The following CAAP1 variants were observed in gnomAD, a reference collection of about 807,000 sequenced individuals.
CAAP1 encodes caspase activity and apoptosis inhibitor 1.
CAAP1 carries 20 observed loss-of-function variants against 34.0 expected under a neutral mutation model. The ratio of observed to expected loss-of-function variants is 0.59; its 90% CI spans 0.41 to 0.86. CAAP1 has a LOEUF of 0.86. Among genes scored for constraint, CAAP1 ranks in the 40% least tolerant of loss-of-function variants. CAAP1 has a pLI of 0.00. For missense variants in CAAP1, 538 were observed against 450.5 expected, an observed-to-expected ratio of 1.19 and a Z score of -1.76; for synonymous variants, 213 against 166.7, an observed-to-expected ratio of 1.28 and a Z score of -2.14.
chr9:26,890,348 G>T (rs2131346511), intron 1 of CAAP1, among the ~76,000 whole-genome samples: 1 of 151,592 alleles, frequency 6.6e-6, no homozygotes, highest in Non-Finnish European at 1.5e-5. Flanking sequence ...TCCAGCCTGG[G>T]CGACACAGTG....
chr9:26,866,186 A>C (rs1300993982), intron 4 of CAAP1, among the ~76,000 whole-genome samples: 2 of 152,208 alleles, frequency 1.3e-5, no homozygotes, highest in African/African-American at 4.8e-5. Flanking sequence ...AAAATGTTTA[A>C]ATGTCTAATA....
At chr9:26,876,024 T>G (rs1563889893) in intron 4 of CAAP1, among the ~76,000 whole-genome samples, 1 of 152,192 alleles carries the variant, frequency 6.6e-6, no homozygotes, top group Non-Finnish European at 1.5e-5. Context: ...AGAACATATA[T>G]TTATCCTCAT....
intron 5 of CAAP1, among the ~76,000 whole-genome samples, 172 bp from the exon 6 acceptor site, chr9:26,842,819 C>T (rs1171023038): frequency 2.0e-5 from 3 of 152,214 alleles, no homozygotes; most frequent in African/African-American, 7.2e-5. Context: ...ACCTTCAAAG[C>T]AGATCTAATG....
rs1013749132 is a variant in CAAP1, at chr9:26,885,237, C to T, written c.590-352G>A. On this transcript the variant is annotated intron_variant, in intron 3 of 5. Transcript: ENST00000333916. ...GACTACAGGCGCCCGCCACCACGCC[C>T]GGCTAATTTTTGTATTTTTAGTAGA... Among the ~76,000 whole-genome samples the T allele has an allele frequency of 4.0e-5, 6 of 151,896 alleles. No individual in the cohort carries two copies. In the South Asian group the frequency reaches 8.3e-4, roughly 21 times the overall value.
chr9:26,892,732 C>T lies in CAAP1; in HGVS notation c.-17G>A. 1 of 1,564,974 alleles carries T rather than the reference C, an allele frequency of 6.4e-7. No homozygotes were observed. Among genetic ancestry groups the T allele is most frequent in the Non-Finnish European group, 8.6e-7 (1 of 1,159,948 alleles). ...CCCCGTCATGATCCCTCTGCTGCAA[C>T]CATCGGAGGAAAGTCCGCTGTCTCT... On this transcript the variant is annotated 5_prime_UTR_variant, in exon 1 of 6. Coordinates refer to ENST00000333916, the MANE Select transcript of CAAP1 (RefSeq NM_024828.4).
At chr9:26,892,137 G>T (rs186319170) in intron 1 of CAAP1, 1 of 767,284 alleles carries the variant, frequency 1.3e-6, no homozygotes, top group Non-Finnish European at 1.9e-6. Context: ...TCTTCCGGCA[G>T]AGTGAAACCA....
At chr9:26,848,114 A>T (rs1822660418) in intron 5 of CAAP1, among the ~76,000 whole-genome samples, 1 of 152,246 alleles carries the variant, frequency 6.6e-6, no homozygotes, top group Non-Finnish European at 1.5e-5. Flanking sequence ...AAGCTGAATT[A>T]TTATCAACTC....
chr9:26,879,191 A>C (rs1823523464), intron 4 of CAAP1, among the ~76,000 whole-genome samples: 1 of 152,220 alleles, frequency 6.6e-6, no homozygotes, highest in Admixed American at 6.5e-5. Context: ...GATATCTCCT[A>C]ATTTCATCCA....
rs530339521 is a variant in CAAP1, at chr9:26,877,998, A to G, written c.665+6812T>C. ...TACTTATTATACATGAGGATGATAA[A>G]GCCTTCTAACTTACTCGACTATTTT... is the stretch of plus-strand genomic sequence containing the variant. On this transcript the variant is annotated intron_variant, in intron 4 of 5. Transcript: ENST00000333916. 8.5e-5 allele frequency among the ~76,000 whole-genome samples: 13 copies of G among 152,160 alleles called. No homozygotes were observed. The East Asian group carries it at 2.3e-3, about 27-fold the overall frequency.
At chr9:26,867,748 T>TA (rs1156342639) in intron 4 of CAAP1, among the ~76,000 whole-genome samples, 3 of 152,206 alleles carry the variant, frequency 2.0e-5, no homozygotes, top group African/African-American at 7.2e-5. Flanking sequence ...TAGATCTTAT[T>TA]AATATGTCCA....
intron 4 of CAAP1, among the ~76,000 whole-genome samples, chr9:26,871,577 TAA>T (rs147681252): frequency 3.9e-4 from 46 of 117,292 alleles, no homozygotes; most frequent in Non-Finnish European, 3.3e-4. Flanking sequence ...ACTCTGTCTT[TAA>T]AAAAAAAAAA....
chr9:26,861,176 A>G (rs1350493186), intron 4 of CAAP1, 37 bp from the exon 5 acceptor site: 3 of 1,427,720 alleles, frequency 2.1e-6, no homozygotes, highest in Non-Finnish European at 3.0e-6. Flanking sequence ...TTAAAACTAT[A>G]TTTAATCACA....
chr9:26,892,320 G>A lies in CAAP1; in HGVS notation c.303+93C>T, dbSNP rs751045683. The stretch of plus-strand genomic sequence containing the variant: ...CGACCTTGAGATTGCCGCGCTAGCA[G>A]TGAGCTCCAGCCTGCGCCCCATCCC... On this transcript the variant is annotated intron_variant, in intron 1 of 5. Transcript: ENST00000333916. 9.0e-6 allele frequency: 14 copies of A among 1,551,398 alleles called. No individual in the cohort carries two copies. The African/African-American group carries it at 9.5e-5, about 11-fold the overall frequency.
rs376179346 is a variant in CAAP1, at chr9:26,876,272, T to A, written c.665+8538A>T. Among the ~76,000 whole-genome samples the A allele has an allele frequency of 2.6e-5, 4 of 152,306 alleles. No individual in the cohort carries two copies. The East Asian group carries it at 5.8e-4, about 22-fold the overall frequency. ...CTTCGACTGTCTTATCTCCCTCTTA[T>A]AAGGATCCTCATGATTATACTGGTC... On this transcript the variant is annotated intron_variant, in intron 4 of 5. Coordinates refer to ENST00000333916, the MANE Select transcript of CAAP1 (RefSeq NM_024828.4).
chr9:26,847,362 C>T (rs1302911677), intron 5 of CAAP1, among the ~76,000 whole-genome samples: 5 of 151,220 alleles, frequency 3.3e-5, no homozygotes, highest in Admixed American at 2.0e-4. Flanking sequence ...CTACAGGCGC[C>T]CGCCACCACG....
chr9:26,846,846 C>T (rs538560902), intron 5 of CAAP1, among the ~76,000 whole-genome samples: 1 of 152,068 alleles, frequency 6.6e-6, no homozygotes, highest in South Asian at 2.1e-4. Flanking sequence ...CGCCACCATG[C>T]CTGGCTAATT....
At chr9:26,863,264 CAGTA>C (rs1281514973) in intron 4 of CAAP1, among the ~76,000 whole-genome samples, 1 of 152,058 alleles carries the variant, frequency 6.6e-6, no homozygotes, top group African/African-American at 2.4e-5. Context: ...GAATTTCAGA[CAGTA>C]AGTATTTTAC....
intron 4 of CAAP1, among the ~76,000 whole-genome samples, chr9:26,879,508 A>C (rs530923862): frequency 6.6e-6 from 1 of 152,198 alleles, no homozygotes; most frequent in Non-Finnish European, 1.5e-5. Flanking sequence ...TTAAGTGTCA[A>C]CTTGATTGGA....
At chr9:26,874,064 G>A (rs1005260006) in intron 4 of CAAP1, among the ~76,000 whole-genome samples, 5 of 151,814 alleles carry the variant, frequency 3.3e-5, no homozygotes, top group South Asian at 4.2e-4. Context: ...AAAATTAGCC[G>A]GATGTGGTGG....
Sources: gnomAD v4.1 joint callset for allele counts (sites outside exome capture counted in the v4.1 genomes callset) on GRCh38, gnomAD v4.1.1 for gene constraint, MANE v1.5 for transcripts, NCBI Gene and HGNC (gene_info 2026-07-23, HGNC 2026-07-21) for gene names.